The following PDE10A variants were observed in gnomAD, a reference collection of about 807,000 sequenced individuals.
The protein encoded by PDE10A is phosphodiesterase 10A.
Under a neutral mutation model 97.7 loss-of-function variants are expected in PDE10A, and 39 were observed. The ratio of observed to expected loss-of-function variants is 0.40; its 90% CI spans 0.31 to 0.52. The LOEUF is 0.52. Among genes scored for constraint, PDE10A ranks in the 20% least tolerant of loss-of-function variants. The pLI, the probability that PDE10A is intolerant of heterozygous loss-of-function variation, is 0.56. For synonymous variants in PDE10A, 371 were observed against 376.8 expected, an observed-to-expected ratio of 0.98 and a Z score of 0.18; for missense variants, 731 against 1,047.8, an observed-to-expected ratio of 0.70 and a Z score of 4.17.
At chr6:165,934,809 C>A (rs1387719081) in intron 1 of PDE10A, among the ~76,000 whole-genome samples, 1 of 152,138 alleles carries the variant, frequency 6.6e-6, no homozygotes, top group Non-Finnish European at 1.5e-5. Context: ...TAATATCTTG[C>A]TTTTAGATAC....
At chr6:165,449,247 T>C (rs1261643765) in intron 4 of PDE10A, among the ~76,000 whole-genome samples, 1 of 152,238 alleles carries the variant, frequency 6.6e-6, no homozygotes, top group Non-Finnish European at 1.5e-5. Context: ...AACATATTTG[T>C]TGAACTTTAT....
intron 1 of PDE10A, among the ~76,000 whole-genome samples, chr6:165,970,508 ATATC>A (rs1407647511): frequency 2.7e-5 from 4 of 148,130 alleles, no homozygotes; most frequent in African/African-American, 1.0e-4. Flanking sequence ...CAAAATTTAA[ATATC>A]TGTTTTTTAA....
At chr6:165,930,823 C>G (rs866272766) in intron 1 of PDE10A, among the ~76,000 whole-genome samples, 8 of 152,352 alleles carry the variant, frequency 5.3e-5, no homozygotes, top group Non-Finnish European at 1.0e-4. Context: ...GGGGAAGGCT[C>G]CCGGCTCACT....
intron 1 of PDE10A, among the ~76,000 whole-genome samples, chr6:165,681,474 G>A (rs1790976933): frequency 6.6e-6 from 1 of 151,842 alleles, no homozygotes; most frequent in South Asian, 2.1e-4. Context: ...ACCATCTGGA[G>A]AACTTAAAAA....
At chr6:165,665,038 A>T (rs111290031), upstream of PDE10A, among the ~76,000 whole-genome samples, 5 of 152,042 alleles carry the variant, frequency 3.3e-5, no homozygotes, top group Non-Finnish European at 5.9e-5. Context: ...CCCAGAATCA[A>T]CCTCCTGTTT....
intron 1 of PDE10A, among the ~76,000 whole-genome samples, chr6:165,731,859 C>T (rs1231955697): frequency 6.6e-6 from 1 of 152,172 alleles, no homozygotes; most frequent in African/African-American, 2.4e-5. Context: ...AAGAAGCAGG[C>T]AATAAAATGG....
chr6:165,696,434 G>T (rs60673201), intron 1 of PDE10A, among the ~76,000 whole-genome samples: 2 of 152,076 alleles, frequency 1.3e-5, no homozygotes, highest in Non-Finnish European at 2.9e-5. Flanking sequence ...CCAGCATATC[G>T]ATGGACACTA....
At chr6:165,575,121 G>A (rs530761062) in intron 1 of PDE10A, among the ~76,000 whole-genome samples, 2 of 152,234 alleles carry the variant, frequency 1.3e-5, no homozygotes, top group South Asian at 4.2e-4. Flanking sequence ...TCATTATTGA[G>A]TTTAAAGACC....
intron 3 of PDE10A, among the ~76,000 whole-genome samples, chr6:165,466,431 A>G (rs918430987): frequency 1.1e-4 from 17 of 152,198 alleles, no homozygotes; most frequent in Admixed American, 2.6e-4. Flanking sequence ...CAACAGATGT[A>G]TTTCTGAATG....
In PDE10A at chr6:165,332,992, G is replaced by T; in HGVS notation, c.*33C>A. Reference sequence around the variant, plus strand: ...TGTCAAAGAAGCAAGATGAGGATCTGTAGGTGGGACAGCGTGTCAGGGTGA... The same window carrying T: ...TGTCAAAGAAGCAAGATGAGGATCTTTAGGTGGGACAGCGTGTCAGGGTGA... On this transcript the variant is annotated 3_prime_UTR_variant, in exon 22 of 22. Coordinates refer to ENST00000539869, the MANE Select transcript of PDE10A (RefSeq NM_001385079.1). The T allele has an allele frequency of 8.5e-7, 1 of 1,178,458 alleles. No homozygotes were observed. Among genetic ancestry groups the T allele is most frequent in the Non-Finnish European group, 1.3e-6 (1 of 784,904 alleles). The allele number at this position is 1,178,458 out of a possible 1,614,324, so 73.0% of individuals were successfully genotyped here. A position where few individuals can be genotyped will look rare whatever the true frequency, so the allele number is the denominator to read the frequency against.
intron 17 of PDE10A, among the ~76,000 whole-genome samples, chr6:165,384,702 A>G (rs572166781): frequency 6.8e-6 from 1 of 147,566 alleles, no homozygotes; most frequent in South Asian, 2.2e-4. Flanking sequence ...TAGCTTTTCA[A>G]GTCTATTGTA....
At chr6:165,403,283 T>C (rs1786819267) in intron 13 of PDE10A, among the ~76,000 whole-genome samples, 1 of 152,198 alleles carries the variant, frequency 6.6e-6, no homozygotes, top group African/African-American at 2.4e-5. Flanking sequence ...AGAGTCTACT[T>C]TTCTGTTGTG....
chr6:165,670,396 G>C (rs1045836718), intron 1 of PDE10A, among the ~76,000 whole-genome samples: 3 of 152,206 alleles, frequency 2.0e-5, no homozygotes, highest in African/African-American at 7.2e-5. Context: ...TTGAGCTGCT[G>C]CTGCTTTTTT....
At chr6:165,583,157 T>C (rs1005663922) in intron 1 of PDE10A, among the ~76,000 whole-genome samples, 4 of 152,222 alleles carry the variant, frequency 2.6e-5, no homozygotes, top group Non-Finnish European at 5.9e-5. Context: ...ATGATCCAGA[T>C]AAATTATTCT....
intron 1 of PDE10A, among the ~76,000 whole-genome samples, chr6:165,885,311 G>T (rs955074): frequency 1.3e-5 from 2 of 152,154 alleles, no homozygotes; most frequent in Non-Finnish European, 2.9e-5. Flanking sequence ...CAAAGGGGAA[G>T]TGGGCACCTT....
intron 3 of PDE10A, among the ~76,000 whole-genome samples, chr6:165,473,330 T>C (rs991353362): frequency 2.0e-5 from 3 of 152,180 alleles, no homozygotes; most frequent in African/African-American, 7.2e-5. Flanking sequence ...AGAGACATAG[T>C]CCTGATCTCT....
intron 7 of PDE10A, among the ~76,000 whole-genome samples, 191 bp downstream of exon 7, chr6:165,432,783 C>A (rs1221737755): frequency 3.3e-5 from 5 of 152,126 alleles, no homozygotes; most frequent in African/African-American, 4.8e-5. Flanking sequence ...TCTTATGTAA[C>A]CTGTTTCCTC....
chr6:165,984,004 A>G (rs55725944), intron 1 of PDE10A, among the ~76,000 whole-genome samples: 5,834 of 152,350 alleles, frequency 0.038, 175 homozygotes, highest in South Asian at 0.06. Context: ...GGCATGGGCC[A>G]TGGTTTCCAT....
At chr6:165,852,130 A>G (rs1010928176) in intron 1 of PDE10A, among the ~76,000 whole-genome samples, 3 of 152,184 alleles carry the variant, frequency 2.0e-5, no homozygotes, top group African/African-American at 7.2e-5. Context: ...AGAAAGTCCC[A>G]TCTCACTAGT....
Sources: gnomAD v4.1 joint callset for allele counts (sites outside exome capture counted in the v4.1 genomes callset) on GRCh38, gnomAD v4.1.1 for gene constraint, MANE v1.5 for transcripts, NCBI Gene and HGNC (gene_info 2026-07-23, HGNC 2026-07-21) for gene names.